TMTC1: variants seen among roughly 807,000 people sequenced by gnomAD.
The protein encoded by TMTC1 is transmembrane O-mannosyltransferase targeting cadherins 1.
A neutral mutation model predicts 104.8 loss-of-function variants in TMTC1; 73 were observed. The observed-to-expected ratio is 0.70, with a 90% CI of 0.58 to 0.85. The LOEUF (loss-of-function observed/expected upper bound fraction) is 0.85. Among genes scored for constraint, TMTC1 ranks in the 40% least tolerant of loss-of-function variants. TMTC1 has a pLI of 0.00. For synonymous variants in TMTC1, 434 were observed against 428.7 expected, an observed-to-expected ratio of 1.01 and a Z score of -0.15; for missense variants, 1,035 against 1,096.1, an observed-to-expected ratio of 0.94 and a Z score of 0.79.
At chr12:29,634,640 A>C (rs1938462200) in intron 5 of TMTC1, among the ~76,000 whole-genome samples, 1 of 152,230 alleles carries the variant, frequency 6.6e-6, no homozygotes, top group Admixed American at 6.5e-5. Context: ...ATCAAACAGA[A>C]GAATTAGATG....
intron 5 of TMTC1, among the ~76,000 whole-genome samples, chr12:29,673,744 C>CTTTTTTTTTTTTTTT (rs146463669): frequency 3.1e-5 from 3 of 95,734 alleles, no homozygotes; most frequent in Non-Finnish European, 5.7e-5. Flanking sequence ...AGAGGGACTT[C>CTTTTTTTTTTTTTTT]TTTTTTTTTT....
At chr12:29,691,678 A>G (rs959667679) in intron 5 of TMTC1, among the ~76,000 whole-genome samples, 1 of 137,738 alleles carries the variant, frequency 7.3e-6, no homozygotes, top group Admixed American at 7.7e-5. Flanking sequence ...ATAAGACATG[A>G]TGAGGAAGTC....
chr12:29,586,334 G>C (rs1351903273), intron 7 of TMTC1, among the ~76,000 whole-genome samples: 8 of 152,088 alleles, frequency 5.3e-5, no homozygotes, highest in African/African-American at 1.9e-4. Flanking sequence ...GGAGATTTTG[G>C]GCTGAGATGA....
In TMTC1 at chr12:29,767,783, CAT is replaced by C. The variant is rs923370975; in HGVS notation, c.480+113_480+114del. ...ACATGTATATATCTATATACACACA[CAT>C]ATCTACATATACACACATATTTACA... is the stretch of plus-strand genomic sequence containing the variant. On this transcript the variant is annotated intron_variant, in intron 2 of 17. Coordinates refer to ENST00000539277, the MANE Select transcript of TMTC1 (RefSeq NM_001193451.2). 3.2e-5 allele frequency: 31 copies of C among 958,326 alleles called. No individual in the cohort carries two copies. The African/African-American group carries it at 3.6e-4, about 11-fold the overall frequency. 59.4% of individuals were successfully genotyped at this position (958,326 alleles called of 1,614,324 possible). A position where few individuals can be genotyped will look rare whatever the true frequency, so the allele number is the denominator to read the frequency against.
chr12:29,548,461 T>C (rs1201805703), intron 10 of TMTC1, among the ~76,000 whole-genome samples: 2 of 152,124 alleles, frequency 1.3e-5, no homozygotes, highest in East Asian at 3.9e-4. Context: ...AATTGGATCA[T>C]GGGGGCAGGT....
At chr12:29,561,521 T>C (rs983207002) in intron 9 of TMTC1, among the ~76,000 whole-genome samples, 1 of 152,218 alleles carries the variant, frequency 6.6e-6, no homozygotes, top group Admixed American at 6.5e-5. Context: ...GAAAGCTATT[T>C]GGGATTAACA....
intron 10 of TMTC1, among the ~76,000 whole-genome samples, chr12:29,552,749 G>A (rs1375207784): frequency 6.6e-6 from 1 of 152,178 alleles, no homozygotes; most frequent in African/African-American, 2.4e-5. Context: ...TGGATTCTCA[G>A]AATGAGCATT....
intron 1 of TMTC1, among the ~76,000 whole-genome samples, 198 bp from the exon 2 acceptor site, chr12:29,768,273 A>C (rs186120170): frequency 6.6e-6 from 1 of 152,348 alleles, no homozygotes; most frequent in East Asian, 1.9e-4. Flanking sequence ...CCATGTGCAG[A>C]AATCCATGCA....
chr12:29,643,618 T>TAG (rs1555180705), intron 5 of TMTC1, among the ~76,000 whole-genome samples: 1 of 29,718 alleles, frequency 3.4e-5, no homozygotes, highest in South Asian at 2.0e-3. Context: ...ATATAATATA[T>TAG]ATCTATATAT....
At chr12:29,647,475 T>C (rs562637009) in intron 5 of TMTC1, among the ~76,000 whole-genome samples, 4 of 152,326 alleles carry the variant, frequency 2.6e-5, no homozygotes, top group African/African-American at 4.8e-5. Flanking sequence ...TCGGAGGTTA[T>C]TATGAGATAG....
At chr12:29,508,651 G>A (rs1689990461) in intron 17 of TMTC1, among the ~76,000 whole-genome samples, 1 of 151,920 alleles carries the variant, frequency 6.6e-6, no homozygotes, top group Non-Finnish European at 1.5e-5. Flanking sequence ...TCAGTTCACT[G>A]TAACCTCTGC....
intron 10 of TMTC1, among the ~76,000 whole-genome samples, chr12:29,546,952 T>C (rs1944959370): frequency 6.6e-6 from 1 of 152,156 alleles, no homozygotes; most frequent in Non-Finnish European, 1.5e-5. Context: ...ATTATTCCTT[T>C]TTCACCTATA....
At chr12:29,526,545 C>T (rs1944350572) in intron 11 of TMTC1, among the ~76,000 whole-genome samples, 1 of 151,882 alleles carries the variant, frequency 6.6e-6, no homozygotes, top group Non-Finnish European at 1.5e-5. Context: ...GTTTTATAAC[C>T]CAGTCAGTCT....
chr12:29,508,291 C>T (rs991346495), intron 17 of TMTC1, among the ~76,000 whole-genome samples: 1 of 152,148 alleles, frequency 6.6e-6, no homozygotes, highest in Non-Finnish European at 1.5e-5. Flanking sequence ...CTTGCATTTG[C>T]TATATTCAAT....
chr12:29,633,658 A>C (rs1938410320), intron 5 of TMTC1, among the ~76,000 whole-genome samples: 1 of 152,232 alleles, frequency 6.6e-6, no homozygotes, highest in South Asian at 2.1e-4. Flanking sequence ...GAAGGAAAAG[A>C]GACATTTGAA....
chr12:29,525,530 T>TG (rs1205733321), intron 11 of TMTC1, among the ~76,000 whole-genome samples: 2 of 151,878 alleles, frequency 1.3e-5, no homozygotes, highest in East Asian at 3.9e-4. Context: ...ATCCAGTCTC[T>TG]GGGTTTTAGA....
chr12:29,708,475 T>G (rs1248174916), intron 5 of TMTC1, among the ~76,000 whole-genome samples: 1 of 152,222 alleles, frequency 6.6e-6, no homozygotes, highest in Non-Finnish European at 1.5e-5. Flanking sequence ...TCTTAACCAC[T>G]GAGCCCCCTT....
At chr12:29,509,740 T>C (rs1044205601) in intron 17 of TMTC1, among the ~76,000 whole-genome samples, 17 of 152,238 alleles carry the variant, frequency 1.1e-4, no homozygotes, top group African/African-American at 3.4e-4. Context: ...TAGTACATGA[T>C]GTCCACAAAG....
chr12:29,637,542 G>A (rs2136526500), intron 5 of TMTC1, among the ~76,000 whole-genome samples: 1 of 152,268 alleles, frequency 6.6e-6, no homozygotes, highest in Middle Eastern at 3.4e-3. Flanking sequence ...AGAGTAAAGA[G>A]GTTTCATGGC....
Sources: allele counts gnomAD v4.1 joint callset (sites outside exome capture counted in the v4.1 genomes callset), GRCh38; gene constraint gnomAD v4.1.1; transcripts MANE v1.5; gene names NCBI Gene and HGNC (gene_info 2026-07-23, HGNC 2026-07-21).